Variants in CCND3 observed in about 807,000 individuals in gnomAD.
CCND3 encodes cyclin D3.
Under a neutral mutation model 28.7 loss-of-function variants are expected in CCND3, and 9 were observed. The observed-to-expected ratio is 0.31, with a 90% CI of 0.19 to 0.55. The LOEUF is 0.55. Among genes scored for constraint, CCND3 ranks in the 20% least tolerant of loss-of-function variants. The pLI, the probability that CCND3 is intolerant of heterozygous loss-of-function variation, is 0.93. For missense variants in CCND3, 315 were observed against 385.8 expected (o/e 0.82, Z 1.54); for synonymous variants, 164 against 163.9 (o/e 1.00, Z 0.00).
chr6:41,940,810 T>C, intron 1 of CCND3: 1 of 958,558 alleles, frequency 1.0e-6, no homozygotes, highest in East Asian at 2.4e-5. Flanking sequence ...GGGGGAGTGG[T>C]AAAGCCAAGG....
intron 1 of CCND3, among the ~76,000 whole-genome samples, chr6:41,955,651 CAAAAAA>C (rs35334493): frequency 4.4e-5 from 5 of 113,572 alleles, no homozygotes; most frequent in African/African-American, 7.3e-5. Context: ...CCTATCTCTA[CAAAAAA>C]AAAAAAAAAA....
At chr6:42,030,763 G>A (rs1242828410) in intron 1 of CCND3, among the ~76,000 whole-genome samples, 2 of 152,132 alleles carry the variant, frequency 1.3e-5, no homozygotes, top group Non-Finnish European at 2.9e-5. Context: ...ATCTGCCTCC[G>A]GCCACCTGTC....
At chr6:42,042,494 G>A (rs981698421) in intron 1 of CCND3, among the ~76,000 whole-genome samples, 1 of 151,964 alleles carries the variant, frequency 6.6e-6, no homozygotes, top group Non-Finnish European at 1.5e-5. Context: ...CCGAGTAGCC[G>A]GGATTACAGG....
At chr6:41,981,616 G>A (rs938044645) in intron 1 of CCND3, among the ~76,000 whole-genome samples, 17 of 151,636 alleles carry the variant, frequency 1.1e-4, no homozygotes, top group African/African-American at 3.9e-4. Context: ...CTCTGCCTCT[G>A]GAGTTCATGA....
intron 1 of CCND3, among the ~76,000 whole-genome samples, chr6:41,964,120 G>A (rs1016173166): frequency 6.6e-6 from 1 of 152,216 alleles, no homozygotes; most frequent in African/African-American, 2.4e-5. Flanking sequence ...CCACAGTAAA[G>A]CTCCGTAAAT....
chr6:41,977,027 T>C (rs1762203618), intron 1 of CCND3, among the ~76,000 whole-genome samples: 1 of 152,186 alleles, frequency 6.6e-6, no homozygotes, highest in African/African-American at 2.4e-5. Flanking sequence ...CTACATCTTT[T>C]ACCCACTCTC....
intron 1 of CCND3, among the ~76,000 whole-genome samples, chr6:42,045,903 C>T (rs1385364963): frequency 6.6e-6 from 1 of 152,154 alleles, no homozygotes; most frequent in African/African-American, 2.4e-5. Flanking sequence ...GGGCAGGGGG[C>T]CAGGGCGTGC....
At chr6:42,002,967 G>A (rs545985565) in intron 1 of CCND3, among the ~76,000 whole-genome samples, 20 of 151,516 alleles carry the variant, frequency 1.3e-4, no homozygotes, top group Admixed American at 8.6e-4. Flanking sequence ...GTTTGAGACC[G>A]GCCTGACCAA....
rs141850859 is a variant in CCND3 at position 41,973,860 on chromosome 6, A to G, written c.-45-33275T>C. Among the ~76,000 whole-genome samples the G allele has an allele frequency of 2.5e-3, 386 of 152,322 alleles. 2 individuals carry two copies. The highest frequency in any genetic ancestry group is 8.8e-3 in the African/African-American group (368 of 41,590). On this transcript the variant is annotated intron_variant, in intron 1 of 4. Coordinates refer to the CCND3 transcript ENST00000372988. ...AGGGTTTTCTCCTGGGTGAGAATTAAAAGAGATAACACATGTAAAACCCTT... is the reference window on the plus strand; with the variant it reads ...AGGGTTTTCTCCTGGGTGAGAATTAGAAGAGATAACACATGTAAAACCCTT...
chr6:42,001,178 T>C (rs2127421772), intron 1 of CCND3, among the ~76,000 whole-genome samples: 1 of 124,834 alleles, frequency 8.0e-6, no homozygotes, highest in East Asian at 2.5e-4. Flanking sequence ...GAGGTTGCAG[T>C]GAGCCCAGAT....
intron 1 of CCND3, among the ~76,000 whole-genome samples, chr6:41,980,231 G>A (rs1023124557): frequency 1.3e-5 from 2 of 151,572 alleles, no homozygotes; most frequent in South Asian, 2.1e-4. Context: ...TGCCTTCCAG[G>A]TTCAAGTGAT....
chr6:41,956,516 C>T (rs892238486), intron 1 of CCND3, among the ~76,000 whole-genome samples: 10 of 152,122 alleles, frequency 6.6e-5, no homozygotes, highest in African/African-American at 2.4e-4. Context: ...CTGCTTGCAA[C>T]TTACACATGT....
chr6:41,935,625 G>GGA lies in CCND3; in HGVS notation c.*314_*315insTC. 1 of 469,780 alleles carries GGA rather than the reference G, an allele frequency of 2.1e-6. No individual in the cohort carries two copies. The highest frequency in any genetic ancestry group is 3.8e-6 in the Non-Finnish European group (1 of 262,910). 29.1% of individuals were successfully genotyped at this position (469,780 alleles called of 1,614,324 possible). A position where few individuals can be genotyped will look rare whatever the true frequency, so the allele number is the denominator to read the frequency against. On this transcript the variant is annotated 3_prime_UTR_variant, in exon 5 of 5. Transcript: ENST00000372991. Reference sequence around the variant, plus strand: ...ATGAGAGCCCCCAGGGGTGGGGGGGGGCGTTCAAAAGGAATGCTGGTGTAT... The same window carrying GGA: ...ATGAGAGCCCCCAGGGGTGGGGGGGGGAGCGTTCAAAAGGAATGCTGGTGTAT...
At chr6:41,972,322 A>T (rs780096141) in intron 1 of CCND3, among the ~76,000 whole-genome samples, 1 of 152,080 alleles carries the variant, frequency 6.6e-6, no homozygotes, top group Non-Finnish European at 1.5e-5. Flanking sequence ...CTGTATACAC[A>T]TAATTCAGCT....
chr6:42,047,923 T>G (rs1490905031), intron 1 of CCND3: 2 of 152,402 alleles, frequency 1.3e-5, no homozygotes, highest in African/African-American at 4.8e-5. Context: ...AATAACATCA[T>G]TGCACCCTCA....
intron 1 of CCND3, among the ~76,000 whole-genome samples, chr6:42,015,915 C>T (rs914733281): frequency 1.7e-4 from 25 of 151,292 alleles, no homozygotes; most frequent in African/African-American, 5.8e-4. Flanking sequence ...GTATACAATA[C>T]GTTTTTATTT....
At chr6:41,967,476 T>C (rs1441689749) in intron 1 of CCND3, among the ~76,000 whole-genome samples, 1 of 152,218 alleles carries the variant, frequency 6.6e-6, no homozygotes, top group Non-Finnish European at 1.5e-5. Context: ...TAAAAGGAGC[T>C]GGGCCAGGAC....
intron 1 of CCND3, among the ~76,000 whole-genome samples, chr6:41,971,687 G>A (rs772701162): frequency 4.0e-5 from 6 of 151,204 alleles, no homozygotes; most frequent in Non-Finnish European, 7.4e-5. Context: ...AACTATAGGC[G>A]CTCCACCACG....
Position 41,935,162 on chromosome 6 carries a change from G to A in CCND3, c.*778C>T. On this transcript the variant is annotated 3_prime_UTR_variant, in exon 5 of 5. Transcript: ENST00000372991. Reference sequence around the variant, plus strand: ...AGAGGAGGGCATGACCCCACCCCAGGCTATAGCAGCTCCTTGGCCACAAAG... The same window carrying A: ...AGAGGAGGGCATGACCCCACCCCAGACTATAGCAGCTCCTTGGCCACAAAG... 1 of 233,380 alleles carries A rather than the reference G, an allele frequency of 4.3e-6. No homozygotes were observed. The highest frequency in any genetic ancestry group is 8.5e-6 in the Non-Finnish European group (1 of 118,092). The allele number at this position is 233,380 out of a possible 1,614,324, so 14.5% of individuals were successfully genotyped here. A position where few individuals can be genotyped will look rare whatever the true frequency, so the allele number is the denominator to read the frequency against.
Sources: gnomAD v4.1 joint callset for allele counts (sites outside exome capture counted in the v4.1 genomes callset) on GRCh38, gnomAD v4.1.1 for gene constraint, MANE v1.5 for transcripts, NCBI Gene and HGNC (gene_info 2026-07-23, HGNC 2026-07-21) for gene names.